Variants in RORA observed in about 807,000 individuals in gnomAD.
The protein encoded by RORA is nuclear receptor ROR-alpha.
Under a neutral mutation model 69.5 loss-of-function variants are expected in RORA, and 7 were observed. That is an observed-to-expected ratio of 0.10 (90% CI 0.06 to 0.19). The LOEUF (loss-of-function observed/expected upper bound fraction) is 0.19. RORA is among the 10% of genes least tolerant of loss of function. The pLI is 1.00. For synonymous variants in RORA, 261 were observed against 240.8 expected (o/e 1.08, Z -0.78); for missense variants, 457 against 663.0 (o/e 0.69, Z 3.41).
At chr15:60,763,185 G>A (rs2071924376) in intron 1 of RORA, among the ~76,000 whole-genome samples, 1 of 144,974 alleles carries the variant, frequency 6.9e-6, no homozygotes, top group Non-Finnish European at 1.5e-5. Context: ...CGTTCTCAGC[G>A]ATGCTGCAAA....
chr15:60,617,774 G>A (rs1437802113), intron 2 of RORA, among the ~76,000 whole-genome samples: 1 of 151,310 alleles, frequency 6.6e-6, no homozygotes, highest in Admixed American at 6.6e-5. Flanking sequence ...CTGGCGATGG[G>A]CAGATTTGCC....
At position 60,597,603 on chromosome 15, in the gene RORA, T is replaced by TAC. The variant is rs1567115534; in HGVS notation, c.197-65753_197-65752insGT. 7.4e-5 allele frequency among the ~76,000 whole-genome samples: 3 copies of TAC among 40,626 alleles called. 1 individual carries two copies. The highest frequency in any genetic ancestry group is 1.2e-4 in the African/African-American group (1 of 8,050). The allele number at this position is 40,626 out of a possible 152,430, so 26.7% of individuals were successfully genotyped here. A position where few individuals can be genotyped will look rare whatever the true frequency, so the allele number is the denominator to read the frequency against. On this transcript the variant is annotated intron_variant, in intron 2 of 10. Transcript: ENST00000335670. ...ATATATATATATATATACACATATATATATATATATATATACATACATATA... is the reference window on the plus strand; with the variant it reads ...ATATATATATATATATACACATATATACATATATATATATATACATACATATA...
At chr15:61,139,108 C>A (rs1596020836) in intron 1 of RORA, among the ~76,000 whole-genome samples, 1 of 151,664 alleles carries the variant, frequency 6.6e-6, no homozygotes, top group East Asian at 1.9e-4. Flanking sequence ...CGCGCCACTG[C>A]ACTCCAGCCT....
intron 1 of RORA, among the ~76,000 whole-genome samples, chr15:60,876,309 AG>A (rs1369871522): frequency 2.3e-4 from 2 of 8,522 alleles, no homozygotes; most frequent in African/African-American, 6.8e-4. Context: ...TCTTACAGGA[AG>A]TGGGGGGGGG....
chr15:61,160,183 C>G (rs2079482057), intron 1 of RORA, among the ~76,000 whole-genome samples: 1 of 152,140 alleles, frequency 6.6e-6, no homozygotes, highest in Admixed American at 6.5e-5. Flanking sequence ...AGCACTAATC[C>G]AAGAACTGAC....
intron 2 of RORA, among the ~76,000 whole-genome samples, chr15:60,542,946 C>G (rs372791312): frequency 2.0e-5 from 3 of 151,046 alleles, no homozygotes; most frequent in African/African-American, 7.4e-5. Context: ...ACACTGCACA[C>G]GCACCCTACA....
chr15:60,797,503 T>A (rs2072515174), intron 1 of RORA, among the ~76,000 whole-genome samples: 1 of 152,120 alleles, frequency 6.6e-6, no homozygotes, highest in East Asian at 1.9e-4. Context: ...AACAATCACA[T>A]CTCATGGCAG....
chr15:61,045,379 T>C (rs1235877983), intron 1 of RORA, among the ~76,000 whole-genome samples: 1 of 152,218 alleles, frequency 6.6e-6, no homozygotes, highest in Non-Finnish European at 1.5e-5. Context: ...CTTTCCTTTA[T>C]ACAGCACTCA....
chr15:61,061,392 A>C lies in RORA; in HGVS notation c.166+167661T>G, dbSNP rs112461548. ...AAATAAATAAATAAATAAATAAATAAATAAATACAAGGGCATCGCAGGAAG... is the reference window on the plus strand; with the variant it reads ...AAATAAATAAATAAATAAATAAATACATAAATACAAGGGCATCGCAGGAAG... On this transcript the variant is annotated intron_variant, in intron 1 of 10. Transcript: ENST00000335670. This position sits in a 1 kb window ranked among gnomAD's most constrained non-coding sequence, Gnocchi z 4.4. Among the ~76,000 whole-genome samples the C allele has an allele frequency of 2.3e-3, 269 of 119,526 alleles. 1 individual carries two copies. The highest frequency in any genetic ancestry group is 4.4e-3 in the South Asian group (17 of 3,876). 78.4% of individuals were successfully genotyped at this position (119,526 alleles called of 152,430 possible). A position where few individuals can be genotyped will look rare whatever the true frequency, so the allele number is the denominator to read the frequency against.
chr15:60,788,942 A>G (rs1285445215), intron 1 of RORA, among the ~76,000 whole-genome samples: 1 of 152,256 alleles, frequency 6.6e-6, no homozygotes, highest in Non-Finnish European at 1.5e-5. Context: ...ACACAAAGCT[A>G]TCTATGCTTG....
At chr15:60,794,063 AT>A (rs2072455664) in intron 1 of RORA, among the ~76,000 whole-genome samples, 1 of 152,222 alleles carries the variant, frequency 6.6e-6, no homozygotes, top group Non-Finnish European at 1.5e-5. Context: ...CCTTTTTACA[AT>A]TCTGCTGAGT....
chr15:60,575,374 T>A (rs187674401), intron 2 of RORA, among the ~76,000 whole-genome samples: 1 of 152,340 alleles, frequency 6.6e-6, no homozygotes. Flanking sequence ...ACTTGAAGTA[T>A]AAATGCCTTC....
At chr15:61,031,709 G>C (rs1896178683) in intron 1 of RORA, among the ~76,000 whole-genome samples, 1 of 152,150 alleles carries the variant, frequency 6.6e-6, no homozygotes, top group Admixed American at 6.6e-5. Flanking sequence ...CCCTATAAAT[G>C]TGTATCCATG....
intron 2 of RORA, among the ~76,000 whole-genome samples, chr15:60,608,123 A>T (rs1596051020): frequency 6.6e-6 from 1 of 152,184 alleles, no homozygotes; most frequent in Non-Finnish European, 1.5e-5. Context: ...CAATGGCAGG[A>T]GCTGAGGGTC....
At chr15:61,175,960 C>T (rs181657045) in intron 1 of RORA, 1 of 152,338 alleles carries the variant, frequency 6.6e-6, no homozygotes, top group African/African-American at 2.4e-5. Flanking sequence ...ACGCCAACCA[C>T]AGGCTTCTGC....
chr15:60,808,075 G>A (rs1040922102), intron 1 of RORA, among the ~76,000 whole-genome samples: 2 of 152,000 alleles, frequency 1.3e-5, no homozygotes, highest in African/African-American at 4.8e-5. Flanking sequence ...ATAAATAGAC[G>A]GGACTTAATA....
At chr15:61,207,846 G>C (rs942293733) in intron 1 of RORA, among the ~76,000 whole-genome samples, 1 of 152,216 alleles carries the variant, frequency 6.6e-6, no homozygotes, top group Non-Finnish European at 1.5e-5. Context: ...CATTGGGAAA[G>C]CTTGAGTCAA....
chr15:60,872,073 A>T (rs2073562745), intron 1 of RORA, among the ~76,000 whole-genome samples: 1 of 152,228 alleles, frequency 6.6e-6, no homozygotes, highest in Non-Finnish European at 1.5e-5. Context: ...ACTCACTGGC[A>T]GCACTATGAG....
chr15:60,828,584 C>T (rs1258029305), intron 1 of RORA, among the ~76,000 whole-genome samples: 4 of 152,186 alleles, frequency 2.6e-5, no homozygotes, highest in African/African-American at 4.8e-5. Flanking sequence ...GAGTGCACCA[C>T]TCTGCCTGGT....
Sources: gnomAD v4.1 joint callset for allele counts (sites outside exome capture counted in the v4.1 genomes callset) on GRCh38, gnomAD v4.1.1 for gene constraint, Gnocchi (gnomAD v3.1) non-coding constraint, MANE v1.5 for transcripts, NCBI Gene and HGNC (gene_info 2026-07-23, HGNC 2026-07-21) for gene names.